The following CACHD1 variants were observed in gnomAD, a reference collection of about 807,000 sequenced individuals.
The protein encoded by CACHD1 is VWFA and cache domain-containing protein 1.
CACHD1 carries 71 observed loss-of-function variants against 138.7 expected under a neutral mutation model. The ratio of observed to expected loss-of-function variants is 0.51; its 90% CI spans 0.42 to 0.62. The LOEUF (loss-of-function observed/expected upper bound fraction) is 0.62, where lower values mean the gene tolerates loss of function less well. CACHD1 is among the 20% of genes least tolerant of loss of function. The pLI is 0.00. For synonymous variants in CACHD1, 578 were observed against 591.5 expected (o/e 0.98, Z 0.33); for missense variants, 1,389 against 1,625.3 (o/e 0.85, Z 2.50).
intron 2 of CACHD1, among the ~76,000 whole-genome samples, chr1:64,565,009 G>T (rs1408570128): frequency 6.6e-6 from 1 of 150,776 alleles, no homozygotes; most frequent in Admixed American, 6.7e-5. Context: ...AGATACTCTG[G>T]CACCTCAATA....
chr1:64,691,616 A>G lies in CACHD1; in HGVS notation c.*55A>G, dbSNP rs1557561495. 2 of 1,533,510 alleles carry G rather than the reference A, an allele frequency of 1.3e-6. No homozygotes were observed. The highest frequency in any genetic ancestry group is 1.8e-6 in the Non-Finnish European group (2 of 1,110,024). 95.0% of individuals were successfully genotyped at this position (1,533,510 alleles called of 1,614,324 possible). A position where few individuals can be genotyped will look rare whatever the true frequency, so the allele number is the denominator to read the frequency against. ...ATCTGGGAGCTACAGAATGTTCTGG[A>G]AAGAAAAAGAACCGGCTTAAAACCC... On this transcript the variant is annotated 3_prime_UTR_variant, in exon 27 of 27. Transcript: ENST00000651257.
At chr1:64,602,585 T>G (rs560984516) in intron 3 of CACHD1, among the ~76,000 whole-genome samples, 19 of 152,112 alleles carry the variant, frequency 1.2e-4, no homozygotes, top group African/African-American at 4.6e-4. Flanking sequence ...AGAATGGTTG[T>G]TTTTATCTTT....
intron 1 of CACHD1, among the ~76,000 whole-genome samples, chr1:64,528,763 G>A (rs1019417478): frequency 2.0e-5 from 3 of 151,826 alleles, no homozygotes; most frequent in African/African-American, 7.3e-5. Flanking sequence ...TTTTTTGTGG[G>A]ATCTCTGAAA....
At chr1:64,536,468 GT>G (rs1043249500) in intron 1 of CACHD1, among the ~76,000 whole-genome samples, 1 of 152,134 alleles carries the variant, frequency 6.6e-6, no homozygotes, top group Non-Finnish European at 1.5e-5. Flanking sequence ...TTCCCTTTCC[GT>G]TCCAACTGGC....
intron 4 of CACHD1, among the ~76,000 whole-genome samples, chr1:64,609,401 G>A (rs1323825928): frequency 6.6e-6 from 1 of 152,134 alleles, no homozygotes; most frequent in African/African-American, 2.4e-5. Flanking sequence ...AAGCTGTTTA[G>A]TCACTCAGAA....
intron 3 of CACHD1, among the ~76,000 whole-genome samples, chr1:64,590,010 A>T (rs984959765): frequency 4.6e-5 from 7 of 152,150 alleles, no homozygotes; most frequent in Non-Finnish European, 2.9e-5. Context: ...AGCTTCTCTT[A>T]AAAAAGTTAA....
At chr1:64,576,598 T>C (rs1385030976) in intron 2 of CACHD1, among the ~76,000 whole-genome samples, 1 of 151,856 alleles carries the variant, frequency 6.6e-6, no homozygotes, top group East Asian at 1.9e-4. Flanking sequence ...TCTCAGGCAG[T>C]GAGGTGGAGG....
chr1:64,508,713 AAGAT>A (rs1178453887), intron 1 of CACHD1, among the ~76,000 whole-genome samples: 7 of 152,190 alleles, frequency 4.6e-5, no homozygotes, highest in African/African-American at 1.4e-4. Flanking sequence ...AGGGCTAAGT[AAGAT>A]AGAGACGTAG....
intron 4 of CACHD1, among the ~76,000 whole-genome samples, chr1:64,606,109 A>ACAC (rs1647329161): frequency 6.7e-6 from 1 of 149,612 alleles, no homozygotes; most frequent in Non-Finnish European, 1.5e-5. Flanking sequence ...AGCTGTAAAC[A>ACAC]CACACACACA....
chr1:64,491,945 G>T (rs1037522472), intron 1 of CACHD1, among the ~76,000 whole-genome samples: 22 of 147,298 alleles, frequency 1.5e-4, no homozygotes, highest in Non-Finnish European at 1.2e-4. Flanking sequence ...TTTGTTTTTT[G>T]TTTTTTTTTT....
chr1:64,583,809 G>A (rs1455122150), intron 3 of CACHD1, among the ~76,000 whole-genome samples: 2 of 151,864 alleles, frequency 1.3e-5, no homozygotes, highest in African/African-American at 2.4e-5. Flanking sequence ...TTATAAAACC[G>A]TCAGATCTCG....
intron 1 of CACHD1, among the ~76,000 whole-genome samples, chr1:64,538,475 G>T (rs1646652430): frequency 6.6e-6 from 1 of 152,170 alleles, no homozygotes. Flanking sequence ...TGGCATGTCA[G>T]TAAAATTCTA....
At chr1:64,615,513 T>C (rs188861638) in intron 4 of CACHD1, among the ~76,000 whole-genome samples, 2 of 152,344 alleles carry the variant, frequency 1.3e-5, no homozygotes, top group Admixed American at 6.5e-5. Context: ...CTTGTGCTTA[T>C]TTTTATTTAT....
intron 2 of CACHD1, among the ~76,000 whole-genome samples, chr1:64,552,567 T>C (rs1646767416): frequency 6.6e-6 from 1 of 151,976 alleles, no homozygotes; most frequent in Non-Finnish European, 1.5e-5. Context: ...TCTTCCAGGC[T>C]TGATCAAGTG....
At chr1:64,678,432 G>A in intron 23 of CACHD1, 122 bp downstream of exon 23, 1 of 1,029,352 alleles carries the variant, frequency 9.7e-7, no homozygotes, top group Non-Finnish European at 1.3e-6. Context: ...GTAGTCTTTA[G>A]TTACAAAACC....
At chr1:64,655,783 C>G (rs1649241969) in intron 12 of CACHD1, among the ~76,000 whole-genome samples, 1 of 152,080 alleles carries the variant, frequency 6.6e-6, no homozygotes, top group South Asian at 2.1e-4. Flanking sequence ...CTATAACTGA[C>G]CAAAAGGGGA....
chr1:64,506,726 C>T (rs1348760395), intron 1 of CACHD1, among the ~76,000 whole-genome samples: 3 of 152,138 alleles, frequency 2.0e-5, no homozygotes, highest in African/African-American at 7.2e-5. Flanking sequence ...CGGTTTTGTT[C>T]TTGCCCGTTA....
At chr1:64,663,458 G>T (rs961423452) in intron 13 of CACHD1, among the ~76,000 whole-genome samples, 1 of 151,624 alleles carries the variant, frequency 6.6e-6, no homozygotes, top group Non-Finnish European at 1.5e-5. Flanking sequence ...GGCTGAGGCA[G>T]GAGAATGGCA....
chr1:64,575,357 A>G (rs865877982), intron 2 of CACHD1, among the ~76,000 whole-genome samples: 1 of 152,260 alleles, frequency 6.6e-6, no homozygotes, highest in Non-Finnish European at 1.5e-5. Flanking sequence ...TATCCTGTAT[A>G]TGATGTGCAA....
Sources: allele counts gnomAD v4.1 joint callset (sites outside exome capture counted in the v4.1 genomes callset), GRCh38; gene constraint gnomAD v4.1.1; transcripts MANE v1.5; gene names NCBI Gene and HGNC (gene_info 2026-07-23, HGNC 2026-07-21).